The following NID1 variants were observed in gnomAD, a reference collection of about 807,000 sequenced individuals.
NID1 encodes the protein nidogen-1.
NID1 carries 76 observed loss-of-function variants against 130.6 expected under a neutral mutation model. The observed-to-expected ratio is 0.58, with a 90% CI of 0.48 to 0.70. The LOEUF is 0.70. Among genes scored for constraint, NID1 ranks in the 30% least tolerant of loss-of-function variants. The pLI is 0.00. For synonymous variants in NID1, 665 were observed against 675.1 expected (o/e 0.98, Z 0.23); for missense variants, 1,517 against 1,664.8 (o/e 0.91, Z 1.54).
intron 1 of NID1, among the ~76,000 whole-genome samples, chr1:236,056,600 T>C (rs992271464): frequency 3.9e-5 from 6 of 152,232 alleles, no homozygotes; most frequent in Non-Finnish European, 8.8e-5. Context: ...TCGAACTGTA[T>C]GTTTGTACCC....
Position 235,979,744 on chromosome 1 carries a change from A to G in NID1, c.3509+78T>C. ...CTCAAAAGTCAAGCCAAGAGGCCAG[A>G]TGGGAAGGGCCTGGCCTCCCAGAGA... is the stretch of plus-strand genomic sequence containing the variant. On this transcript the variant is annotated intron_variant, in intron 18 of 19. Coordinates refer to ENST00000264187, the MANE Select transcript of NID1 (RefSeq NM_002508.3). The surrounding 1 kb of genome is among the most constrained non-coding windows in gnomAD (Gnocchi z 4.6). The G allele has an allele frequency of 6.4e-7, 1 of 1,554,250 alleles. No homozygotes were observed. Among genetic ancestry groups the G allele is most frequent in the East Asian group, 2.3e-5 (1 of 43,674 alleles).
intron 15 of NID1, among the ~76,000 whole-genome samples, chr1:235,982,413 G>C (rs1455100765): frequency 6.6e-6 from 1 of 152,102 alleles, no homozygotes; most frequent in African/African-American, 2.4e-5. Context: ...CTTAAGATAG[G>C]GAATGGAAAA....
chr1:236,033,060 C>G (rs1338834596), intron 5 of NID1, among the ~76,000 whole-genome samples: 1 of 152,204 alleles, frequency 6.6e-6, no homozygotes, highest in Non-Finnish European at 1.5e-5. Flanking sequence ...GTAATCCCAG[C>G]ACTTTGGGAG....
At chr1:236,034,663 T>C (rs1190761104) in intron 5 of NID1, among the ~76,000 whole-genome samples, 1 of 152,178 alleles carries the variant, frequency 6.6e-6, no homozygotes, top group Non-Finnish European at 1.5e-5. Context: ...GAGTGACTAC[T>C]AATGGACACG....
chr1:236,001,496 A>C (rs1658075953), intron 12 of NID1, among the ~76,000 whole-genome samples: 2 of 152,198 alleles, frequency 1.3e-5, no homozygotes, highest in African/African-American at 4.8e-5. Context: ...ATTTCCAAGA[A>C]GGAGAATTTA....
Position 236,048,947 on chromosome 1 carries a change from T to C in NID1, c.268A>G (p.Lys90Glu), listed in dbSNP as rs146770492. Residue 90 changes from lysine to glutamate, a missense_variant, in exon 2 of 20, where the codon AAA becomes GAA. This residue lies in a region of NID1 where 1,329 missense variants were observed against 1,429.2 expected (regional missense o/e 0.93). Transcript: ENST00000264187. Reference protein sequence around the residue: ...GIIATSEPPAKESHPGLFPPT... With the variant: ...GIIATSEPPAEESHPGLFPPT... ...GGGAAGAGCCCGGGATGGGATTCTT[T>C]GGCCGGGGGTTCACTCGTAGCAATG... 3 of 1,613,956 alleles carry C rather than the reference T, an allele frequency of 1.9e-6. No homozygotes were observed. The African/African-American group carries it at 4.0e-5, about 22-fold the overall frequency.
At chr1:236,020,045 A>C (rs1658712915) in intron 9 of NID1, among the ~76,000 whole-genome samples, 2 of 135,588 alleles carry the variant, frequency 1.5e-5, no homozygotes, top group East Asian at 2.5e-4. Flanking sequence ...TTAAAAAAAA[A>C]AAAAAAAAAA....
At chr1:236,000,235 A>G (rs532389666) in intron 12 of NID1, among the ~76,000 whole-genome samples, 64 of 152,142 alleles carry the variant, frequency 4.2e-4, no homozygotes, top group African/African-American at 1.5e-3. Context: ...CAACAACAAC[A>G]ACAGCAACAA....
intron 8 of NID1, among the ~76,000 whole-genome samples, chr1:236,025,515 G>A (rs181481114): frequency 6.9e-4 from 105 of 152,222 alleles, no homozygotes; most frequent in African/African-American, 2.4e-3. Context: ...ACCCGCCTCA[G>A]CCTCCCAAAG....
chr1:236,000,580 T>C (rs1342151206), intron 12 of NID1, among the ~76,000 whole-genome samples: 2 of 152,212 alleles, frequency 1.3e-5, no homozygotes, highest in Non-Finnish European at 2.9e-5. Flanking sequence ...AAAACCAAGC[T>C]GTAGCCTGAC....
chr1:235,987,314 T>C (rs373303657), intron 14 of NID1, among the ~76,000 whole-genome samples: 5 of 152,330 alleles, frequency 3.3e-5, no homozygotes, highest in South Asian at 2.1e-4. Flanking sequence ...AAACAAGCCA[T>C]CTGCCCATAG....
In NID1 at chr1:236,034,337, G is replaced by A. The variant is rs375041991; in HGVS notation, c.1286-1685C>T. Among the ~76,000 whole-genome samples, 680 of 148,490 alleles carry A rather than the reference G, an allele frequency of 4.6e-3. 5 individuals carry two copies. The highest frequency in any genetic ancestry group is 0.016 in the African/African-American group (651 of 40,012). Reference sequence around the variant, plus strand: ...CTCAGGAGGCTGAAGCAGGAGAATCGCTTGAACACAGGAGGCAGAGGTTGC... The same window carrying A: ...CTCAGGAGGCTGAAGCAGGAGAATCACTTGAACACAGGAGGCAGAGGTTGC... On this transcript the variant is annotated intron_variant, in intron 5 of 19. Coordinates refer to ENST00000264187, the MANE Select transcript of NID1 (RefSeq NM_002508.3).
At chr1:236,034,244 A>G (rs963653019) in intron 5 of NID1, among the ~76,000 whole-genome samples, 4 of 152,078 alleles carry the variant, frequency 2.6e-5, no homozygotes. Context: ...AACATGGTGA[A>G]ACCCCGTCTC....
At chr1:236,038,390 G>A in intron 4 of NID1, 137 bp from the exon 5 acceptor site, 2 of 837,186 alleles carry the variant, frequency 2.4e-6, no homozygotes, top group East Asian at 2.9e-5. Flanking sequence ...GCTCACTACA[G>A]AAGATTACAA....
At chr1:235,994,613 G>A (rs1399214342) in intron 12 of NID1, among the ~76,000 whole-genome samples, 1 of 152,112 alleles carries the variant, frequency 6.6e-6, no homozygotes, top group Non-Finnish European at 1.5e-5. Context: ...ATCCATTGAT[G>A]AACATCACTG....
chr1:235,985,282 A>G (rs1224987676), intron 15 of NID1, 97 bp downstream of exon 15: 15 of 1,275,302 alleles, frequency 1.2e-5, no homozygotes, highest in Non-Finnish European at 1.6e-5. Flanking sequence ...AATGTTTGTG[A>G]AAGTTTGGCT....
In NID1 at chr1:236,048,951, C is replaced by A; in HGVS notation, c.264G>T (p.Pro88=). The A allele has an allele frequency of 6.2e-7, 1 of 1,613,978 alleles. No homozygotes were observed. The highest frequency in any genetic ancestry group is 8.5e-7 in the Non-Finnish European group (1 of 1,179,984). Residue 88 remains proline (P), a synonymous_variant, in exon 2 of 20, where the codon CCG becomes CCT. Transcript: ENST00000264187. ...AGAGCCCGGGATGGGATTCTTTGGC[C>A]GGGGGTTCACTCGTAGCAATGATGC... The part of the protein sequence containing the change: ...TNGIIATSEP[P]AKESHPGLFP...
chr1:235,990,994 C>T lies in NID1; in HGVS notation c.2820G>A (p.Leu940=). Residue 940 remains leucine (L), a synonymous_variant, in exon 14 of 20, where the codon TTG becomes TTA. Coordinates refer to ENST00000264187, the MANE Select transcript of NID1 (RefSeq NM_002508.3). ...CAAAGAGTAAATGGGTCCCAGGAGG[C>T]AAGGGGATCACGGCGGTAGGCACCG... ...GPAVPTAVIP[L]PPGTHLLFAQ... The T allele has an allele frequency of 6.2e-7, 1 of 1,613,694 alleles. No homozygotes were observed. Among genetic ancestry groups the T allele is most frequent in the South Asian group, 1.1e-5 (1 of 91,034 alleles).
chr1:236,046,329 C>T (rs1659601768), intron 2 of NID1, among the ~76,000 whole-genome samples: 1 of 152,100 alleles, frequency 6.6e-6, no homozygotes. Flanking sequence ...CCTGTAATCC[C>T]AGCACTTTGG....
Sources: gnomAD v4.1 joint callset for allele counts (sites outside exome capture counted in the v4.1 genomes callset) on GRCh38, gnomAD v4.1.1 for gene constraint, gnomAD v4.1.1 regional missense constraint, Gnocchi (gnomAD v3.1) non-coding constraint, MANE v1.5 for transcripts, NCBI Gene and HGNC (gene_info 2026-07-23, HGNC 2026-07-21) for gene names.